FHOD3: variants seen among roughly 807,000 people sequenced by gnomAD.
FHOD3 encodes the protein FH1/FH2 domain-containing protein 3.
Under a neutral mutation model 173.0 loss-of-function variants are expected in FHOD3, and 90 were observed. That is an observed-to-expected ratio of 0.52 (90% CI 0.44 to 0.62). The LOEUF is 0.62. Among genes scored for constraint, FHOD3 ranks in the 20% least tolerant of loss-of-function variants. The pLI, the probability that FHOD3 is intolerant of heterozygous loss-of-function variation, is 0.00. For missense variants in FHOD3, 1,945 were observed against 2,034.7 expected, an observed-to-expected ratio of 0.96 and a Z score of 0.85; for synonymous variants, 828 against 823.0, an observed-to-expected ratio of 1.01 and a Z score of -0.10.
intron 1 of FHOD3, among the ~76,000 whole-genome samples, chr18:36,355,002 T>C (rs950310822): frequency 5.3e-5 from 8 of 152,206 alleles, no homozygotes; most frequent in African/African-American, 1.9e-4. Context: ...ATGTTGTAAT[T>C]TGGGTATATT....
chr18:36,685,681 C>A (rs2038563468), intron 15 of FHOD3, among the ~76,000 whole-genome samples: 1 of 151,994 alleles, frequency 6.6e-6, no homozygotes, highest in African/African-American at 2.4e-5. Context: ...AACTTACTGC[C>A]CCTTTATATC....
At chr18:36,569,282 A>G (rs577443394) in intron 5 of FHOD3, among the ~76,000 whole-genome samples, 3 of 152,252 alleles carry the variant, frequency 2.0e-5, no homozygotes, top group African/African-American at 7.2e-5. Flanking sequence ...GATGCAGGAG[A>G]AAAAAACATG....
intron 1 of FHOD3, among the ~76,000 whole-genome samples, chr18:36,319,120 T>C (rs950140843): frequency 2.0e-5 from 3 of 152,170 alleles, no homozygotes; most frequent in African/African-American, 7.2e-5. Flanking sequence ...CTGGATTCGG[T>C]TTGCCAGTAT....
At chr18:36,539,750 C>G (rs1238789613) in intron 5 of FHOD3, among the ~76,000 whole-genome samples, 4 of 152,120 alleles carry the variant, frequency 2.6e-5, no homozygotes, top group Non-Finnish European at 4.4e-5. Context: ...TATTTTTGAA[C>G]CCATTATGAG....
chr18:36,698,726 C>T (rs950845639), intron 17 of FHOD3, among the ~76,000 whole-genome samples: 3 of 152,182 alleles, frequency 2.0e-5, no homozygotes, highest in African/African-American at 7.2e-5. Flanking sequence ...GCCACAATTC[C>T]GTGGATGCTG....
chr18:36,406,588 C>G (rs773989738), intron 3 of FHOD3, among the ~76,000 whole-genome samples: 9 of 152,126 alleles, frequency 5.9e-5, no homozygotes, highest in Admixed American at 1.3e-4. Flanking sequence ...ATCTGCCCCC[C>G]GCCCTGAGCC....
chr18:36,514,403 C>T (rs756708016), intron 5 of FHOD3, among the ~76,000 whole-genome samples: 2 of 152,106 alleles, frequency 1.3e-5, no homozygotes, highest in African/African-American at 2.4e-5. Context: ...TGAGTGCAGG[C>T]CTGGATTCTC....
chr18:36,340,880 G>A (rs1049609642), intron 1 of FHOD3, among the ~76,000 whole-genome samples: 4 of 151,856 alleles, frequency 2.6e-5, no homozygotes, highest in Non-Finnish European at 2.9e-5. Flanking sequence ...CTCATGATCC[G>A]TCTGCCTCGG....
intron 9 of FHOD3, among the ~76,000 whole-genome samples, chr18:36,621,027 G>A (rs1418648871): frequency 6.6e-6 from 1 of 152,108 alleles, no homozygotes; most frequent in Non-Finnish European, 1.5e-5. Flanking sequence ...CTGGAAACAG[G>A]CCCAATTTCC....
chr18:36,736,754 G>C (rs2041654199), intron 20 of FHOD3, among the ~76,000 whole-genome samples: 1 of 152,182 alleles, frequency 6.6e-6, no homozygotes, highest in Admixed American at 6.5e-5. Flanking sequence ...ACCAGGAGTG[G>C]TTTTGGAAAA....
chr18:36,425,431 C>T (rs774216257), intron 3 of FHOD3, among the ~76,000 whole-genome samples: 23 of 152,168 alleles, frequency 1.5e-4, no homozygotes, highest in Non-Finnish European at 2.8e-4. Context: ...GAATGTAGGT[C>T]ACCCAGCTTT....
At chr18:36,561,615 A>C (rs894735165) in intron 5 of FHOD3, among the ~76,000 whole-genome samples, 4 of 152,180 alleles carry the variant, frequency 2.6e-5, no homozygotes, top group Non-Finnish European at 4.4e-5. Flanking sequence ...AATGACATTA[A>C]ATATCTTCAT....
chr18:36,666,545 A>G (rs981860812), intron 14 of FHOD3, among the ~76,000 whole-genome samples: 3 of 152,178 alleles, frequency 2.0e-5, no homozygotes, highest in African/African-American at 2.4e-5. Flanking sequence ...CATCATTTCA[A>G]TGCCATTTTA....
rs140405365 is a variant in FHOD3 at position 36,379,411 on chromosome 18, G to A, written c.337+6667G>A. 2.1e-3 allele frequency among the ~76,000 whole-genome samples: 322 copies of A among 152,266 alleles called. 1 individual carries two copies. The highest frequency in any genetic ancestry group is 7.3e-3 in the African/African-American group (304 of 41,544). ...AATTAAATTATTTATTGCTTCTTTA[G>A]GACTTGGTTACCTTTCATCTCTAGG... is the stretch of plus-strand genomic sequence containing the variant. On this transcript the variant is annotated intron_variant, in intron 3 of 28. Transcript: ENST00000590592.
At chr18:36,639,858 TG>T (rs2035184517) in intron 10 of FHOD3, among the ~76,000 whole-genome samples, 2 of 151,012 alleles carry the variant, frequency 1.3e-5, no homozygotes, top group Non-Finnish European at 2.9e-5. Context: ...ACACAAAAAC[TG>T]GTGAGAAGCC....
intron 1 of FHOD3, among the ~76,000 whole-genome samples, chr18:36,341,457 T>A (rs922536510): frequency 1.2e-4 from 18 of 152,196 alleles, no homozygotes; most frequent in African/African-American, 4.3e-4. Flanking sequence ...AGTCTGATAT[T>A]CTAAGTTGCT....
chr18:36,347,585 A>G (rs2045932068), intron 1 of FHOD3, among the ~76,000 whole-genome samples: 1 of 152,240 alleles, frequency 6.6e-6, no homozygotes, highest in Non-Finnish European at 1.5e-5. Flanking sequence ...TTTCAAAGTA[A>G]ATACATTCAT....
intron 17 of FHOD3, among the ~76,000 whole-genome samples, chr18:36,694,053 T>G (rs1014232090): frequency 6.6e-6 from 1 of 152,220 alleles, no homozygotes; most frequent in African/African-American, 2.4e-5. Flanking sequence ...ACTGCAGCCT[T>G]GAGCATCAGC....
intron 3 of FHOD3, among the ~76,000 whole-genome samples, chr18:36,454,847 A>G (rs776305679): frequency 6.6e-6 from 1 of 152,044 alleles, no homozygotes; most frequent in Non-Finnish European, 1.5e-5. Context: ...TTCAGCTGCC[A>G]CCTACACCCA....
Sources: gnomAD v4.1 joint callset for allele counts (sites outside exome capture counted in the v4.1 genomes callset) on GRCh38, gnomAD v4.1.1 for gene constraint, MANE v1.5 for transcripts, NCBI Gene and HGNC (gene_info 2026-07-23, HGNC 2026-07-21) for gene names.